The following GALNTL6 variants were observed in gnomAD, a reference collection of about 807,000 sequenced individuals.
The protein encoded by GALNTL6 is polypeptide N-acetylgalactosaminyltransferase like 6, also known as polypeptide N-acetylgalactosaminyltransferase-like 6.
Under a neutral mutation model 73.7 loss-of-function variants are expected in GALNTL6, and 46 were observed. The ratio of observed to expected loss-of-function variants is 0.62; its 90% CI spans 0.49 to 0.80. The LOEUF (loss-of-function observed/expected upper bound fraction) is 0.80. Ranked by LOEUF, GALNTL6 falls within the 30% of genes least tolerant of loss-of-function variation. The pLI is 0.00. For synonymous variants in GALNTL6, 259 were observed against 263.7 expected (o/e 0.98, Z 0.17); for missense variants, 604 against 755.0 (o/e 0.80, Z 2.34).
At chr4:172,170,508 G>GTTTT (rs1197633372) in intron 2 of GALNTL6, among the ~76,000 whole-genome samples, 5 of 120,068 alleles carry the variant, frequency 4.2e-5, no homozygotes, top group Non-Finnish European at 6.8e-5. Flanking sequence ...TTCTTTGGTG[G>GTTTT]TTTTTTTTTT....
At chr4:172,537,414 T>C (rs1454325038) in intron 5 of GALNTL6, among the ~76,000 whole-genome samples, 1 of 152,178 alleles carries the variant, frequency 6.6e-6, no homozygotes, top group East Asian at 1.9e-4. Context: ...GATGGTTTTA[T>C]AAGGGGCTCC....
intron 3 of GALNTL6, among the ~76,000 whole-genome samples, chr4:172,232,266 G>A (rs1284963877): frequency 6.6e-6 from 1 of 152,062 alleles, no homozygotes; most frequent in Admixed American, 6.5e-5. Flanking sequence ...TTTACTGCCA[G>A]TGTATTTATC....
chr4:171,971,935 G>A (rs1739582520), intron 2 of GALNTL6, among the ~76,000 whole-genome samples: 1 of 151,948 alleles, frequency 6.6e-6, no homozygotes, highest in South Asian at 2.1e-4. Context: ...GGTTACCTAG[G>A]ACGGCCTCAC....
intron 5 of GALNTL6, among the ~76,000 whole-genome samples, chr4:172,535,141 C>A (rs892543159): frequency 3.3e-5 from 5 of 152,210 alleles, no homozygotes; most frequent in African/African-American, 1.2e-4. Context: ...TACATTAAAA[C>A]ATTTTTCACA....
intron 2 of GALNTL6, among the ~76,000 whole-genome samples, chr4:171,957,110 G>A (rs1358162974): frequency 1.3e-5 from 2 of 152,182 alleles, no homozygotes; most frequent in Non-Finnish European, 1.5e-5. Context: ...CTTCAGGTCT[G>A]TTAAAAGTAG....
At chr4:172,833,193 G>A (rs1742732626) in intron 7 of GALNTL6, among the ~76,000 whole-genome samples, 1 of 152,150 alleles carries the variant, frequency 6.6e-6, no homozygotes, top group Admixed American at 6.5e-5. Context: ...CATAAGCTAA[G>A]TATATTGCAT....
chr4:172,194,805 A>G (rs1163825385), intron 2 of GALNTL6, among the ~76,000 whole-genome samples: 1 of 152,182 alleles, frequency 6.6e-6, no homozygotes, highest in African/African-American at 2.4e-5. Context: ...AGCACTGAAT[A>G]TGGAAAGGAA....
chr4:173,035,096 C>T (rs991038648), intron 12 of GALNTL6, among the ~76,000 whole-genome samples: 1 of 140,154 alleles, frequency 7.1e-6, no homozygotes, highest in African/African-American at 2.8e-5. Context: ...ACAAACATTT[C>T]TTTTTTTTTT....
chr4:172,967,517 C>G (rs892693846), intron 10 of GALNTL6, among the ~76,000 whole-genome samples: 3 of 151,952 alleles, frequency 2.0e-5, no homozygotes, highest in Non-Finnish European at 4.4e-5. Flanking sequence ...GAATTGCATA[C>G]AAATTTGTAG....
chr4:172,671,644 C>A (rs890516537), intron 5 of GALNTL6, among the ~76,000 whole-genome samples: 4 of 152,110 alleles, frequency 2.6e-5, no homozygotes, highest in East Asian at 1.9e-4. Flanking sequence ...TATTTGAATG[C>A]ACTTATTTCT....
intron 7 of GALNTL6, among the ~76,000 whole-genome samples, chr4:172,868,633 G>A (rs1744776628): frequency 6.6e-6 from 1 of 152,136 alleles, no homozygotes; most frequent in African/African-American, 2.4e-5. Context: ...TATAACAGGA[G>A]CACCAAGCTG....
At chr4:172,551,439 T>C (rs1735951161) in intron 5 of GALNTL6, among the ~76,000 whole-genome samples, 1 of 152,008 alleles carries the variant, frequency 6.6e-6, no homozygotes, top group African/African-American at 2.4e-5. Context: ...TTGACAAAAG[T>C]AGAATATTTT....
chr4:171,856,171 TG>T (rs1249691194), intron 2 of GALNTL6, among the ~76,000 whole-genome samples: 7 of 152,206 alleles, frequency 4.6e-5, no homozygotes, highest in Non-Finnish European at 8.8e-5. Context: ...GGCGAGATCT[TG>T]GCTCACGGAA....
At chr4:172,797,393 C>G (rs1360895816) in intron 5 of GALNTL6, among the ~76,000 whole-genome samples, 1 of 151,902 alleles carries the variant, frequency 6.6e-6, no homozygotes, top group Non-Finnish European at 1.5e-5. Context: ...ACTAGGCGAA[C>G]GCCGCTACGC....
chr4:172,440,719 G>A (rs1338534577), intron 5 of GALNTL6, among the ~76,000 whole-genome samples: 2 of 152,120 alleles, frequency 1.3e-5, no homozygotes, highest in East Asian at 1.9e-4. Flanking sequence ...TGTAGAGGCA[G>A]GAGGTATATG....
chr4:172,289,230 T>C (rs1038356947), intron 3 of GALNTL6, among the ~76,000 whole-genome samples: 6 of 152,190 alleles, frequency 3.9e-5, no homozygotes, highest in African/African-American at 1.2e-4. Context: ...AATTAAGACA[T>C]TTTCCCACTA....
intron 5 of GALNTL6, among the ~76,000 whole-genome samples, chr4:172,716,111 ATT>A (rs5864160): frequency 1.3e-5 from 2 of 151,704 alleles, no homozygotes; most frequent in Admixed American, 6.6e-5. Context: ...AACTCTAGAG[ATT>A]TTTTTTTTAT....
intron 5 of GALNTL6, among the ~76,000 whole-genome samples, chr4:172,635,606 A>G (rs1739634262): frequency 6.6e-6 from 1 of 152,156 alleles, no homozygotes; most frequent in Admixed American, 6.6e-5. Flanking sequence ...TAGATTACTC[A>G]TATGGCTCTA....
At chr4:172,040,205 G>A (rs867661217) in intron 2 of GALNTL6, among the ~76,000 whole-genome samples, 7 of 110,686 alleles carry the variant, frequency 6.3e-5, no homozygotes, top group African/African-American at 1.6e-4. Flanking sequence ...TCTGGATCAC[G>A]CTATGAAAGA....
Sources: gnomAD v4.1 joint callset for allele counts (sites outside exome capture counted in the v4.1 genomes callset) on GRCh38, gnomAD v4.1.1 for gene constraint, MANE v1.5 for transcripts, NCBI Gene and HGNC (gene_info 2026-07-23, HGNC 2026-07-21) for gene names.